Variants in MYO3B observed in about 807,000 individuals in gnomAD.
MYO3B encodes the protein myosin-IIIb.
Under a neutral mutation model 174.6 loss-of-function variants are expected in MYO3B, and 156 were observed. The ratio of observed to expected loss-of-function variants is 0.89; its 90% CI spans 0.78 to 1.02. The LOEUF is 1.02. Among genes scored for constraint, MYO3B ranks in the 50% least tolerant of loss-of-function variants. The probability of loss-of-function intolerance (pLI) is 0.00; values close to 1 mark genes in which losing one functional copy is unlikely to be tolerated. For synonymous variants in MYO3B, 563 were observed against 569.1 expected, an observed-to-expected ratio of 0.99 and a Z score of 0.15; for missense variants, 1,632 against 1,639.4, an observed-to-expected ratio of 1.00 and a Z score of 0.08.
intron 32 of MYO3B, among the ~76,000 whole-genome samples, chr2:170,557,844 G>C (rs192531078): frequency 1.3e-5 from 2 of 152,214 alleles, no homozygotes; most frequent in Non-Finnish European, 2.9e-5. Context: ...GTTTCCAGCC[G>C]TCTGCCCATT....
At chr2:170,560,228 G>A (rs570621211) in intron 32 of MYO3B, among the ~76,000 whole-genome samples, 10 of 152,148 alleles carry the variant, frequency 6.6e-5, no homozygotes, top group Non-Finnish European at 1.3e-4. Flanking sequence ...ACTACCACAA[G>A]TCTCAAGAGT....
At chr2:170,417,618 C>T (rs141863522) in intron 22 of MYO3B, among the ~76,000 whole-genome samples, 45 of 152,264 alleles carry the variant, frequency 3.0e-4, no homozygotes, top group East Asian at 2.7e-3. Flanking sequence ...TCTGAGGGAG[C>T]GTTTGTTCCA....
At chr2:170,360,307 A>G (rs1442761778) in intron 8 of MYO3B, among the ~76,000 whole-genome samples, 1 of 152,212 alleles carries the variant, frequency 6.6e-6, no homozygotes, top group African/African-American at 2.4e-5. Context: ...TGGACTAAGA[A>G]GCAGACCATG....
chr2:170,602,356 C>T, intron 32 of MYO3B: 1 of 635,986 alleles, frequency 1.6e-6, no homozygotes, highest in Non-Finnish European at 2.8e-6. Flanking sequence ...CGGGCATAGC[C>T]TCCTCACCCT....
chr2:170,248,294 C>T (rs1333620081), intron 7 of MYO3B, among the ~76,000 whole-genome samples: 1 of 152,122 alleles, frequency 6.6e-6, no homozygotes, highest in Non-Finnish European at 1.5e-5. Context: ...CCTAGGCCTC[C>T]AAGTCACAGG....
chr2:170,273,267 C>G (rs573236443), intron 7 of MYO3B, among the ~76,000 whole-genome samples: 2 of 152,204 alleles, frequency 1.3e-5, no homozygotes. Flanking sequence ...GTGATTTAGC[C>G]TGGAGCAACC....
chr2:170,519,554 G>A lies in MYO3B; in HGVS notation c.3575+14G>A. The A allele has an allele frequency of 6.2e-7, 1 of 1,601,042 alleles. No homozygotes were observed. Among genetic ancestry groups the A allele is most frequent in the South Asian group, 1.1e-5 (1 of 90,728 alleles). ...AGAGAAAAATGGGTGAGCATTATCT[G>A]CTAAGAGTTCCCTGTTGTAAACTCA... On this transcript the variant is annotated intron_variant, in intron 30 of 34. Coordinates refer to ENST00000408978, the MANE Select transcript of MYO3B (RefSeq NM_138995.5).
intron 22 of MYO3B, 79 bp from the exon 23 acceptor site, chr2:170,443,888 G>C: frequency 8.1e-7 from 1 of 1,236,724 alleles, no homozygotes; most frequent in South Asian, 1.6e-5. Context: ...AAAATACAAG[G>C]ACCCAAAGGG....
chr2:170,653,635 A>G lies in MYO3B; in HGVS notation c.*514A>G, dbSNP rs1387366389. On this transcript the variant is annotated 3_prime_UTR_variant, in exon 35 of 35. Transcript: ENST00000408978. ...TCAGGGCTCCATTGCTGAGTGCCCC[A>G]TCCTGGAGGATTGGCCCCAAGATCT... 6.4e-6 allele frequency: 1 copy of G among 155,140 alleles called. No individual in the cohort carries two copies. The highest frequency in any genetic ancestry group is 1.4e-5 in the Non-Finnish European group (1 of 69,880). 9.6% of individuals were successfully genotyped at this position (155,140 alleles called of 1,614,324 possible).
At chr2:170,566,779 A>T (rs1186023131) in intron 32 of MYO3B, among the ~76,000 whole-genome samples, 1 of 152,158 alleles carries the variant, frequency 6.6e-6, no homozygotes, top group East Asian at 1.9e-4. Flanking sequence ...CTCTATATAA[A>T]TCTGGAGTTC....
At chr2:170,492,960 T>G (rs1476291340) in intron 25 of MYO3B, among the ~76,000 whole-genome samples, 4 of 152,164 alleles carry the variant, frequency 2.6e-5, no homozygotes, top group African/African-American at 9.7e-5. Context: ...TTACCAAAGA[T>G]TTTTCTTCAT....
chr2:170,546,331 T>C (rs1009620883), intron 32 of MYO3B, among the ~76,000 whole-genome samples: 2 of 152,224 alleles, frequency 1.3e-5, no homozygotes, highest in Non-Finnish European at 2.9e-5. Flanking sequence ...AGGTCTCGAA[T>C]TGAATTCTTG....
At chr2:170,283,157 G>T (rs2093526662) in intron 7 of MYO3B, among the ~76,000 whole-genome samples, 1 of 152,094 alleles carries the variant, frequency 6.6e-6, no homozygotes, top group Non-Finnish European at 1.5e-5. Context: ...CCCAGCGTGA[G>T]CTCCTTCTCT....
At chr2:170,637,255 T>TCTGCCTCCC (rs1473941593) in intron 32 of MYO3B, among the ~76,000 whole-genome samples, 3 of 148,624 alleles carry the variant, frequency 2.0e-5, no homozygotes, top group African/African-American at 7.4e-5. Context: ...CACTGCAACC[T>TCTGCCTCCC]CTGCCTCCCG....
intron 12 of MYO3B, 79 bp downstream of exon 12, chr2:170,383,893 C>A: frequency 8.4e-7 from 1 of 1,184,450 alleles, no homozygotes; most frequent in Non-Finnish European, 1.3e-6. Context: ...CTAAGTCTTC[C>A]TGAAACCTTT....
chr2:170,601,632 T>C lies in MYO3B; in HGVS notation c.3734-49996T>C, dbSNP rs574714509. The C allele has an allele frequency of 3.1e-6, 4 of 1,292,554 alleles. No individual in the cohort carries two copies. In the African/African-American group the frequency reaches 5.8e-5, roughly 19 times the overall value. 80.1% of individuals were successfully genotyped at this position (1,292,554 alleles called of 1,614,324 possible). ...AACTTATTCATCATCATCTTCTTCA[T>C]CTTCCTCCTCATAATCCTCTTCATC... On this transcript the variant is annotated intron_variant, in intron 32 of 34. Transcript: ENST00000408978.
At chr2:170,207,689 T>G (rs1300229973) in intron 3 of MYO3B, among the ~76,000 whole-genome samples, 2 of 151,886 alleles carry the variant, frequency 1.3e-5, no homozygotes, top group African/African-American at 2.4e-5. Context: ...GCTTTTTTTT[T>G]TCTCAAAGGA....
chr2:170,475,099 A>G (rs185403149), intron 25 of MYO3B, among the ~76,000 whole-genome samples: 3 of 152,276 alleles, frequency 2.0e-5, no homozygotes, highest in East Asian at 1.9e-4. Flanking sequence ...AACTCAGTCT[A>G]TTCTGGCCCA....
intron 8 of MYO3B, among the ~76,000 whole-genome samples, chr2:170,360,623 A>G (rs546286988): frequency 6.6e-6 from 1 of 152,330 alleles, no homozygotes; most frequent in Non-Finnish European, 1.5e-5. Flanking sequence ...TGTGGTTTGA[A>G]TGTGTCTCCT....
Sources: gnomAD v4.1 joint callset for allele counts (sites outside exome capture counted in the v4.1 genomes callset) on GRCh38, gnomAD v4.1.1 for gene constraint, MANE v1.5 for transcripts, NCBI Gene and HGNC (gene_info 2026-07-23, HGNC 2026-07-21) for gene names.